MARCHF3: variants seen among roughly 807,000 people sequenced by gnomAD.
MARCHF3 encodes the protein E3 ubiquitin-protein ligase MARCHF3.
In MARCHF3, 13 loss-of-function variants were observed where a neutral mutation model predicts 24.2. That is an observed-to-expected ratio of 0.54 (90% confidence interval 0.35 to 0.85). The LOEUF (loss-of-function observed/expected upper bound fraction) is 0.85. Ranked by LOEUF, MARCHF3 falls within the 40% of genes least tolerant of loss-of-function variation. The pLI is 0.01. For missense variants in MARCHF3, 276 were observed against 325.0 expected (o/e 0.85, Z 1.16); for synonymous variants, 144 against 137.3 (o/e 1.05, Z -0.34).
intron 1 of MARCHF3, among the ~76,000 whole-genome samples, chr5:127,006,282 T>A (rs1304869855): frequency 6.6e-6 from 1 of 152,122 alleles, no homozygotes; most frequent in Non-Finnish European, 1.5e-5. Flanking sequence ...TCACTATTTT[T>A]ATCCAGAACA....
chr5:126,891,081 GTCT>G (rs1276371313), intron 3 of MARCHF3, among the ~76,000 whole-genome samples: 23 of 150,796 alleles, frequency 1.5e-4, no homozygotes, highest in African/African-American at 5.6e-4. Context: ...CTGCATAAAT[GTCT>G]TCTTTTGAGA....
intron 1 of MARCHF3, among the ~76,000 whole-genome samples, chr5:126,978,073 C>T (rs1185412846): frequency 1.3e-5 from 2 of 152,164 alleles, no homozygotes; most frequent in African/African-American, 2.4e-5. Context: ...GAGGGGCTGG[C>T]CCCCAAGAGA....
chr5:126,930,837 G>T (rs558384103), intron 1 of MARCHF3, among the ~76,000 whole-genome samples: 3 of 152,300 alleles, frequency 2.0e-5, no homozygotes, highest in Non-Finnish European at 4.4e-5. Context: ...GCAATCCAGG[G>T]TCTTTCTTTT....
chr5:126,971,596 G>A (rs1165384862), intron 1 of MARCHF3, among the ~76,000 whole-genome samples: 1 of 152,162 alleles, frequency 6.6e-6, no homozygotes, highest in East Asian at 1.9e-4. Context: ...TCACCCATGG[G>A]AGGGATCCAG....
At chr5:126,914,798 A>ACACACACACC in intron 3 of MARCHF3, 132 bp downstream of exon 3, 1 of 762,042 alleles carries the variant, frequency 1.3e-6, no homozygotes, top group Non-Finnish European at 2.2e-6. Flanking sequence ...ACACACACAC[A>ACACACACACC]CACACACACA....
At chr5:126,945,895 G>C (rs771129756) in intron 1 of MARCHF3, among the ~76,000 whole-genome samples, 3 of 152,212 alleles carry the variant, frequency 2.0e-5, no homozygotes, top group African/African-American at 4.8e-5. Context: ...AGTTGCTTCA[G>C]AGATGTCCAA....
intron 3 of MARCHF3, among the ~76,000 whole-genome samples, chr5:126,908,941 A>C (rs558149680): frequency 6.6e-6 from 1 of 151,986 alleles, no homozygotes; most frequent in East Asian, 1.9e-4. Context: ...TTCTTCCCCA[A>C]GTTTGTGGTT....
chr5:127,028,103 C>T (rs541728888), intron 1 of MARCHF3, among the ~76,000 whole-genome samples: 2 of 152,266 alleles, frequency 1.3e-5, no homozygotes, highest in East Asian at 3.9e-4. Flanking sequence ...GTTTATATAC[C>T]ATAAAATTGA....
At chr5:126,985,002 A>G (rs1429808525) in intron 1 of MARCHF3, among the ~76,000 whole-genome samples, 1 of 152,096 alleles carries the variant, frequency 6.6e-6, no homozygotes, top group Non-Finnish European at 1.5e-5. Flanking sequence ...AAGAGGAATA[A>G]CGAAAAATTG....
intron 1 of MARCHF3, among the ~76,000 whole-genome samples, chr5:127,029,489 C>T (rs1003000726): frequency 6.6e-6 from 1 of 152,152 alleles, no homozygotes. Context: ...GCTGCTTTTA[C>T]CCCCTTACCA....
At chr5:126,910,398 A>G (rs1754475755) in intron 3 of MARCHF3, among the ~76,000 whole-genome samples, 1 of 152,194 alleles carries the variant, frequency 6.6e-6, no homozygotes, top group African/African-American at 2.4e-5. Flanking sequence ...GGCTGGAGTC[A>G]AGGCACAAAT....
At chr5:126,927,492 C>T (rs1034689214) in intron 1 of MARCHF3, among the ~76,000 whole-genome samples, 1 of 152,186 alleles carries the variant, frequency 6.6e-6, no homozygotes, top group African/African-American at 2.4e-5. Flanking sequence ...GCACTTGCTC[C>T]CTGGCTGGGA....
intron 1 of MARCHF3, among the ~76,000 whole-genome samples, chr5:127,026,475 A>G (rs1296010634): frequency 6.6e-6 from 1 of 152,250 alleles, no homozygotes. Flanking sequence ...TGTCTGGTTA[A>G]GGTCAGGGTC....
At chr5:126,995,534 A>G (rs1343951934) in intron 1 of MARCHF3, among the ~76,000 whole-genome samples, 1 of 152,240 alleles carries the variant, frequency 6.6e-6, no homozygotes, top group Non-Finnish European at 1.5e-5. Flanking sequence ...CTGACTGAAC[A>G]TAATACAGAA....
intron 1 of MARCHF3, among the ~76,000 whole-genome samples, chr5:127,016,128 C>G (rs1261611368): frequency 6.6e-6 from 1 of 152,012 alleles, no homozygotes; most frequent in Non-Finnish European, 1.5e-5. Flanking sequence ...ATAAATTAAA[C>G]TTTACCATAA....
At chr5:126,886,601 T>C (rs1286583669) in intron 3 of MARCHF3, among the ~76,000 whole-genome samples, 2 of 152,224 alleles carry the variant, frequency 1.3e-5, no homozygotes, top group Non-Finnish European at 2.9e-5. Flanking sequence ...AAGTTCTCAT[T>C]TTAGTTCAAA....
chr5:126,891,770 G>A (rs929274165), intron 3 of MARCHF3, among the ~76,000 whole-genome samples: 14 of 143,020 alleles, frequency 9.8e-5, no homozygotes, highest in South Asian at 2.4e-4. Flanking sequence ...TTGGCGACGC[G>A]GGCTCTTTTT....
rs76217568 is a variant in MARCHF3 at position 127,019,588 on chromosome 5, G to C, written c.-57+10762C>G. On this transcript the variant is annotated intron_variant, in intron 1 of 4. Transcript: ENST00000308660. ...GCTGTAGATATTGTCTTGTCTCCAA[G>C]TAACATCTAAACTGCTGAAGCCATC... 4.3e-3 allele frequency among the ~76,000 whole-genome samples: 660 copies of C among 152,290 alleles called. 36 individuals carry two copies. The East Asian group carries it at 0.11, about 24-fold the overall frequency.
intron 1 of MARCHF3, among the ~76,000 whole-genome samples, chr5:126,991,696 G>A (rs1243598406): frequency 6.6e-6 from 1 of 151,652 alleles, no homozygotes; most frequent in African/African-American, 2.4e-5. Context: ...ACTCCAGCCT[G>A]GACGACAGAG....
Sources: gnomAD v4.1 joint callset for allele counts (sites outside exome capture counted in the v4.1 genomes callset) on GRCh38, gnomAD v4.1.1 for gene constraint, MANE v1.5 for transcripts, NCBI Gene and HGNC (gene_info 2026-07-23, HGNC 2026-07-21) for gene names.